Variants in ZNF470 observed in about 807,000 individuals in gnomAD.
ZNF470 encodes the protein chondrogenesis zinc finger protein 1.
In ZNF470, 13 loss-of-function variants were observed where a neutral mutation model predicts 13.9. The ratio of observed to expected loss-of-function variants is 0.94; its 90% CI spans 0.61 to 1.49. The LOEUF is 1.49. ZNF470 is among the 40% of genes most tolerant of loss of function. The probability of loss-of-function intolerance (pLI) is 0.00; values close to 1 mark genes in which losing one functional copy is unlikely to be tolerated. For synonymous variants in ZNF470, 293 were observed against 282.9 expected, an observed-to-expected ratio of 1.04 and a Z score of -0.36; for missense variants, 929 against 857.3, an observed-to-expected ratio of 1.08 and a Z score of -1.04.
chr19:56,581,333 T>C lies in ZNF470; in HGVS notation c.*2750T>C, dbSNP rs971776354. ...AAGACTGACTAATCGAGTGATAACA[T>C]TCAGTATTGGTGAATGTGTGGAAAC... On this transcript the variant is annotated 3_prime_UTR_variant, in exon 6 of 6. Coordinates refer to ENST00000330619, the MANE Select transcript of ZNF470 (RefSeq NM_001001668.4). The C allele has an allele frequency of 3.5e-6, 3 of 865,244 alleles. No individual in the cohort carries two copies. In the African/African-American group the frequency reaches 5.5e-5, roughly 16 times the overall value. 53.6% of individuals were successfully genotyped at this position (865,244 alleles called of 1,614,324 possible).
At position 56,578,501 on chromosome 19, in the gene ZNF470, A is replaced by G. The variant is rs774648109; in HGVS notation, c.2072A>G (p.His691Arg). The G allele has an allele frequency of 5.4e-5, 87 of 1,606,876 alleles. No individual in the cohort carries two copies. The Admixed American group carries it at 1.3e-3, about 23-fold the overall frequency. Residue 691 changes from histidine to arginine, a missense_variant, in exon 6 of 6, where the codon CAT becomes CGT. Physicochemically the swap from His to Arg is conservative, Grantham distance 29. Transcript: ENST00000330619. ...ECGKAFRQSV[H>R]LAHHQRIHTG... ...GGAAAAGCCTTCAGGCAGAGTGTAC[A>G]TCTTGCTCATCATCAGCGAATTCAT... is the stretch of plus-strand genomic sequence containing the variant.
chr19:56,574,714 G>A lies in ZNF470; in HGVS notation c.264G>A (p.Met88Ile). 1 of 1,613,668 alleles carries A rather than the reference G, an allele frequency of 6.2e-7. No individual in the cohort carries two copies. Among genetic ancestry groups the A allele is most frequent in the Non-Finnish European group, 8.5e-7 (1 of 1,179,720 alleles). The change falls in exon 5 of 6, where the codon ATG becomes ATA. Residue 88 changes from methionine (M) to isoleucine (I), a missense_variant. Physicochemically the swap from Met to Ile is conservative, Grantham distance 10 (BLOSUM62 1). Coordinates refer to ENST00000330619, the MANE Select transcript of ZNF470 (RefSeq NM_001001668.4). Reference sequence around the variant, plus strand: ...ACCCTTGGGTGATAAAAGGAGGGATGAACAGAGGCCTGTGCCCAGGTAAGT... The same window carrying A: ...ACCCTTGGGTGATAAAAGGAGGGATAAACAGAGGCCTGTGCCCAGGTAAGT... ...EKDPWVIKGGMNRGLCPDLEC... is the reference protein window; with the variant it reads ...EKDPWVIKGGINRGLCPDLEC...
chr19:56,576,275 A>G (rs938137378), intron 5 of ZNF470, among the ~76,000 whole-genome samples: 1 of 152,226 alleles, frequency 6.6e-6, no homozygotes, highest in Non-Finnish European at 1.5e-5. Flanking sequence ...AGAATGTTGT[A>G]TAGGAACTGC....
chr19:56,568,231 C>T (rs2044425537), intron 1 of ZNF470, among the ~76,000 whole-genome samples, 193 bp downstream of exon 1: 1 of 152,070 alleles, frequency 6.6e-6, no homozygotes. Context: ...CTTGACTTGG[C>T]CAGAGACACC....
rs531426511 is a variant in ZNF470, at chr19:56,579,150, G to A, written c.*567G>A. 2.2e-4 allele frequency: 219 copies of A among 985,424 alleles called. No homozygotes were observed. In the African/African-American group the frequency reaches 2.5e-3, roughly 11 times the overall value. 61.0% of individuals were successfully genotyped at this position (985,424 alleles called of 1,614,324 possible). A position where few individuals can be genotyped will look rare whatever the true frequency, so the allele number is the denominator to read the frequency against. On this transcript the variant is annotated 3_prime_UTR_variant, in exon 6 of 6. Transcript: ENST00000330619. Reference sequence around the variant, plus strand: ...AGAACAAAAGCTTTTAGCTGGGTGCGGTGGCTCATGCCTGTAGTCCCAGCA... The same window carrying A: ...AGAACAAAAGCTTTTAGCTGGGTGCAGTGGCTCATGCCTGTAGTCCCAGCA...
intron 3 of ZNF470, chr19:56,573,876 C>T (rs2044471315): frequency 1.5e-6 from 1 of 675,116 alleles, no homozygotes; most frequent in African/African-American, 2.0e-5. Flanking sequence ...GAAGAAAAGA[C>T]TATAGCTAGG....
intron 5 of ZNF470, among the ~76,000 whole-genome samples, chr19:56,575,022 T>A (rs941933482): frequency 6.6e-6 from 1 of 152,234 alleles, no homozygotes; most frequent in Non-Finnish European, 1.5e-5. Flanking sequence ...CATTTCTGAA[T>A]CCTTTAGACA....
chr19:56,581,557 A>T lies in ZNF470; in HGVS notation c.*2974A>T. The stretch of plus-strand genomic sequence containing the variant: ...GGTATATATCCATTCAATAGGAATT[A>T]TGCAGCTGTTGAAAAAAAATCAATG... On this transcript the variant is annotated 3_prime_UTR_variant, in exon 6 of 6. Transcript: ENST00000330619. 1 of 767,098 alleles carries T rather than the reference A, an allele frequency of 1.3e-6. No homozygotes were observed. The highest frequency in any genetic ancestry group is 1.6e-6 in the Non-Finnish European group (1 of 631,100). 47.5% of individuals were successfully genotyped at this position (767,098 alleles called of 1,614,324 possible).
chr19:56,577,350 T>A lies in ZNF470; in HGVS notation c.921T>A (p.Thr307=), dbSNP rs1479355494. 1 of 1,613,524 alleles carries A rather than the reference T, an allele frequency of 6.2e-7. No individual in the cohort carries two copies. The stretch of plus-strand genomic sequence containing the variant: ...TTGTTCAACACCAGAGAGTTCATAC[T>A]GGAGAGAAACCTTATCAGTGTAAGC... ...AHLVQHQRVH[T]GEKPYQCKQC... is the part of the protein sequence containing the mutation. Residue 307 remains threonine, a synonymous_variant, in exon 6 of 6, where the codon ACT becomes ACA. Transcript: ENST00000330619.
rs780290642 is a variant in ZNF470, at chr19:56,578,204, C to T, written c.1775C>T (p.Pro592Leu). 7.4e-6 allele frequency: 12 copies of T among 1,613,880 alleles called. No individual in the cohort carries two copies. Among genetic ancestry groups the T allele is most frequent in the African/African-American group, 2.7e-5 (2 of 74,874 alleles). ...CAGAGACTCCACAGTGGCAAAAGAC[C>T]GTATGAATGTCTTGAATGTGGGAAG... is the stretch of plus-strand genomic sequence containing the variant. Reference protein sequence around the residue: ...QHQRLHSGKRPYECLECGKAF... With the variant: ...QHQRLHSGKRLYECLECGKAF... The change falls in exon 6 of 6, where the codon CCG (proline) becomes CTG (leucine). Residue 592 changes from proline to leucine, a missense_variant. Transcript: ENST00000330619.
chr19:56,570,133 A>T (rs181655485), intron 2 of ZNF470, 147 bp from the exon 3 acceptor site: 4 of 588,590 alleles, frequency 6.8e-6, no homozygotes, highest in African/African-American at 5.6e-5. Context: ...ATATATTTCA[A>T]GTCTCCCAAA....
chr19:56,574,279 A>G (rs1190096913), intron 3 of ZNF470, 115 bp from the exon 4 acceptor site: 1 of 1,467,474 alleles, frequency 6.8e-7, no homozygotes, highest in Non-Finnish European at 9.5e-7. Flanking sequence ...CCCTTAGTGC[A>G]GTTACTTATA....
Position 56,579,606 on chromosome 19 carries a change from G to A in ZNF470, c.*1023G>A, listed in dbSNP as rs1464707322. The A allele has an allele frequency of 2.4e-5, 24 of 985,230 alleles. No individual in the cohort carries two copies. Among genetic ancestry groups the A allele is most frequent in the East Asian group, 1.1e-4 (1 of 8,830 alleles). 61.0% of individuals were successfully genotyped at this position (985,230 alleles called of 1,614,324 possible). The stretch of plus-strand genomic sequence containing the variant: ...AGACAATTCGTGTGGTATTTAAATT[G>A]TTCTAGCATAAAATAAAATGCAATA... On this transcript the variant is annotated 3_prime_UTR_variant, in exon 6 of 6. Coordinates refer to ENST00000330619, the MANE Select transcript of ZNF470 (RefSeq NM_001001668.4).
Position 56,576,869 on chromosome 19 carries a change from G to A in ZNF470, c.440G>A (p.Arg147Lys). The change falls in exon 6 of 6, where the codon AGG becomes AAG. Residue 147 changes from arginine to lysine, a missense_variant. By Grantham distance (26) the Arg-to-Lys change is conservative. Transcript: ENST00000330619. ...TGGAAATGTGAAGACTTGTTTGAGAGGGAGCTTGTAAACCAGAAGACACAT... is the reference window on the plus strand; with the variant it reads ...TGGAAATGTGAAGACTTGTTTGAGAAGGAGCTTGTAAACCAGAAGACACAT... ...KNWKCEDLFE[R>K]ELVNQKTHFR... 1 of 1,591,034 alleles carries A rather than the reference G, an allele frequency of 6.3e-7. No homozygotes were observed. The highest frequency in any genetic ancestry group is 2.2e-5 in the East Asian group (1 of 44,718).
In ZNF470 at chr19:56,577,959, A is replaced by T; in HGVS notation, c.1530A>T (p.Glu510Asp). The T allele has an allele frequency of 6.2e-7, 1 of 1,613,898 alleles. No individual in the cohort carries two copies. Among genetic ancestry groups the T allele is most frequent in the Non-Finnish European group, 8.5e-7 (1 of 1,179,956 alleles). Reference sequence around the variant, plus strand: ...TTCATACTGGAGAGAAACCTTATGAATGTAAGGAATGCAGCAAAACCTTCA... The same window carrying T: ...TTCATACTGGAGAGAAACCTTATGATTGTAAGGAATGCAGCAAAACCTTCA... ...QRIHTGEKPY[E>D]CKECSKTFSQ... Residue 510 changes from glutamate to aspartate, a missense_variant, in exon 6 of 6, where the codon GAA (glutamate) becomes GAT (aspartate). Glu to Asp is a conservative substitution (Grantham distance 45, BLOSUM62 2). Transcript: ENST00000330619.
chr19:56,582,611 A>G lies in ZNF470; in HGVS notation c.*4028A>G, dbSNP rs1350212125. On this transcript the variant is annotated 3_prime_UTR_variant, in exon 6 of 6. Transcript: ENST00000330619. ...ACTTGTTGAAGTCCTAAACCCCAAC[A>G]TGACTGTATTTGGACATAAGGCCTT... is the stretch of plus-strand genomic sequence containing the variant. The G allele has an allele frequency of 4.1e-6, 4 of 980,314 alleles. No individual in the cohort carries two copies. Among genetic ancestry groups the G allele is most frequent in the Non-Finnish European group, 3.6e-6 (3 of 825,258 alleles). 60.7% of individuals were successfully genotyped at this position (980,314 alleles called of 1,614,324 possible).
In ZNF470 at chr19:56,580,997, C is replaced by A; in HGVS notation, c.*2414C>A. 1.0e-6 allele frequency: 1 copy of A among 984,932 alleles called. No individual in the cohort carries two copies. Among genetic ancestry groups the A allele is most frequent in the Non-Finnish European group, 1.2e-6 (1 of 829,576 alleles). The allele number at this position is 984,932 out of a possible 1,614,324, so 61.0% of individuals were successfully genotyped here. ...TGAAAAACAGAATAATATATATGTA[C>A]CCTCGGTTTGAAATAGACTTTAAGC... On this transcript the variant is annotated 3_prime_UTR_variant, in exon 6 of 6. Transcript: ENST00000330619.
rs1024963963 is a variant in ZNF470, at chr19:56,581,802, G to C, written c.*3219G>C. 4.1e-6 allele frequency: 4 copies of C among 985,296 alleles called. No homozygotes were observed. Among genetic ancestry groups the C allele is most frequent in the Non-Finnish European group, 4.8e-6 (4 of 829,920 alleles). The allele number at this position is 985,296 out of a possible 1,614,324, so 61.0% of individuals were successfully genotyped here. ...TGGCCATACCCTACCATATGTTTTT[G>C]ATGGACGTGGCCAATAAAATTGTCT... On this transcript the variant is annotated 3_prime_UTR_variant, in exon 6 of 6. Transcript: ENST00000330619.
At position 56,582,133 on chromosome 19, in the gene ZNF470, T is replaced by A; in HGVS notation, c.*3550T>A. On this transcript the variant is annotated 3_prime_UTR_variant, in exon 6 of 6. Transcript: ENST00000330619. ...TGAGATGGGGCGAATAAGACTTATA[T>A]TCTAGACTGGAAAGCATCTCATGGT... The A allele has an allele frequency of 3.0e-6, 3 of 985,406 alleles. No individual in the cohort carries two copies. Among genetic ancestry groups the A allele is most frequent in the Non-Finnish European group, 3.6e-6 (3 of 829,920 alleles). 61.0% of individuals were successfully genotyped at this position (985,406 alleles called of 1,614,324 possible).
Sources: gnomAD v4.1 joint callset for allele counts (sites outside exome capture counted in the v4.1 genomes callset) on GRCh38, gnomAD v4.1.1 for gene constraint, MANE v1.5 for transcripts, NCBI Gene and HGNC (gene_info 2026-07-23, HGNC 2026-07-21) for gene names.